The following ANKS1B variants were observed in gnomAD, a reference collection of about 807,000 sequenced individuals.
ANKS1B encodes ankyrin repeat and sterile alpha motif domain containing 1B, also known as ankyrin repeat and sterile alpha motif domain-containing protein 1B.
ANKS1B carries 36 observed loss-of-function variants against 148.3 expected under a neutral mutation model. The ratio of observed to expected loss-of-function variants is 0.24; its 90% CI spans 0.19 to 0.32. The LOEUF is 0.32. Among genes scored for constraint, ANKS1B ranks in the 10% least tolerant of loss-of-function variants. The pLI, the probability that ANKS1B is intolerant of heterozygous loss-of-function variation, is 1.00. For synonymous variants in ANKS1B, 542 were observed against 560.8 expected, an observed-to-expected ratio of 0.97 and a Z score of 0.47; for missense variants, 1,157 against 1,542.6, an observed-to-expected ratio of 0.75 and a Z score of 4.19.
At chr12:99,541,804 G>A (rs973209833) in intron 9 of ANKS1B, among the ~76,000 whole-genome samples, 10 of 151,480 alleles carry the variant, frequency 6.6e-5, no homozygotes, top group African/African-American at 1.9e-4. Context: ...GCAGTGAGCC[G>A]AGATCATGCC....
At chr12:99,147,400 G>A (rs2073492719) in intron 15 of ANKS1B, among the ~76,000 whole-genome samples, 1 of 152,066 alleles carries the variant, frequency 6.6e-6, no homozygotes, top group Non-Finnish European at 1.5e-5. Context: ...TGAAAGATAA[G>A]GCAGGAAAAT....
intron 17 of ANKS1B, among the ~76,000 whole-genome samples, chr12:99,010,901 G>GT (rs1309326368): frequency 0.028 from 1,449 of 51,292 alleles, 12 homozygotes; most frequent in Middle Eastern, 0.07. Flanking sequence ...GTGAGCTTTT[G>GT]TTTTTTTTTT....
chr12:98,967,398 T>G lies in ANKS1B; in HGVS notation c.2778+85759A>C, dbSNP rs964688375. 3.9e-5 allele frequency among the ~76,000 whole-genome samples: 6 copies of G among 152,054 alleles called. No individual in the cohort carries two copies. In the East Asian group the frequency reaches 1.2e-3, roughly 29 times the overall value. On this transcript the variant is annotated intron_variant, in intron 17 of 26. Coordinates refer to ENST00000683438, the MANE Select transcript of ANKS1B (RefSeq NM_001352186.2). ...AGACCTCCACTATCTTCTGTTATGA[T>G]CTAAGGCCCTCGATGAGGTACCCAT...
intron 17 of ANKS1B, among the ~76,000 whole-genome samples, chr12:99,020,942 C>A (rs945029700): frequency 6.6e-6 from 1 of 152,002 alleles, no homozygotes; most frequent in African/African-American, 2.4e-5. Context: ...TACACAAACA[C>A]AAAATTTAAC....
intron 17 of ANKS1B, among the ~76,000 whole-genome samples, chr12:98,963,969 C>T (rs2099875633): frequency 6.6e-6 from 1 of 152,062 alleles, no homozygotes; most frequent in South Asian, 2.1e-4. Context: ...TATGGTGGCC[C>T]ATGCCTGTAA....
At chr12:99,498,457 CATCT>C in intron 10 of ANKS1B, among the ~76,000 whole-genome samples, 1 of 152,276 alleles carries the variant, frequency 6.6e-6, no homozygotes, top group East Asian at 1.9e-4. Context: ...ATACCTTATT[CATCT>C]ATCTAACTCC....
intron 9 of ANKS1B, among the ~76,000 whole-genome samples, chr12:98,736,670 C>G (rs1193656915): frequency 1.3e-5 from 2 of 151,542 alleles, no homozygotes; most frequent in African/African-American, 4.9e-5. Context: ...AGACAGGGGG[C>G]CCCAAGACTG....
intron 11 of ANKS1B, among the ~76,000 whole-genome samples, chr12:99,427,543 G>C (rs1268883553): frequency 1.3e-5 from 2 of 152,244 alleles, no homozygotes; most frequent in Non-Finnish European, 2.9e-5. Flanking sequence ...TCCAAATACT[G>C]TTTGACTCTG....
At chr12:99,758,022 C>A (rs1053646501) in intron 8 of ANKS1B, among the ~76,000 whole-genome samples, 41 of 151,868 alleles carry the variant, frequency 2.7e-4, no homozygotes, top group African/African-American at 9.7e-4. Flanking sequence ...ATAATCTATA[C>A]AACAAACCCC....
chr12:99,546,077 T>A (rs1413771592), intron 9 of ANKS1B, among the ~76,000 whole-genome samples: 1 of 152,064 alleles, frequency 6.6e-6, no homozygotes, highest in Non-Finnish European at 1.5e-5. Flanking sequence ...CAAGTCAAGT[T>A]GAATGGAAGG....
chr12:98,781,372 T>C (rs2098734478), intron 23 of ANKS1B, 169 bp from the exon 24 acceptor site: 1 of 676,056 alleles, frequency 1.5e-6, no homozygotes, highest in Non-Finnish European at 2.7e-6. Context: ...ACTCTAATTT[T>C]AATGTCTGCC....
rs1420961934 is a variant in ANKS1B, at chr12:99,319,810, AT to A, written c.1757-72947del. ...ATCGATGGTCTTTACAATTTGGCACATTTTTGCAGTGGCTGGTACCGGTTGT... is the reference window on the plus strand; with the variant it reads ...ATCGATGGTCTTTACAATTTGGCACATTTTGCAGTGGCTGGTACCGGTTGT... On this transcript the variant is annotated intron_variant, in intron 12 of 26. Transcript: ENST00000683438. 9.2e-5 allele frequency among the ~76,000 whole-genome samples: 14 copies of A among 152,218 alleles called. No individual in the cohort carries two copies. The East Asian group carries it at 1.7e-3, about 19-fold the overall frequency.
At chr12:99,296,521 C>G (rs899779477) in intron 12 of ANKS1B, among the ~76,000 whole-genome samples, 6 of 152,150 alleles carry the variant, frequency 3.9e-5, no homozygotes, top group Admixed American at 2.0e-4. Context: ...TATTTCAGCT[C>G]AAAAGTAACA....
At position 99,812,556 on chromosome 12, in the gene ANKS1B, C is replaced by G. The variant is rs61940294; in HGVS notation, c.216-245G>C. Among the ~76,000 whole-genome samples the G allele has an allele frequency of 5.4e-4, 34 of 63,086 alleles. No homozygotes were observed. Among genetic ancestry groups the G allele is most frequent in the Non-Finnish European group, 7.0e-4 (19 of 27,276 alleles). The allele number at this position is 63,086 out of a possible 152,430, so 41.4% of individuals were successfully genotyped here. On this transcript the variant is annotated intron_variant, in intron 2 of 26. Transcript: ENST00000683438. ...ACACACACACACACACACACACACA[C>G]ACAGAGAGAGAGAGAGAGAGAAAGA...
At chr12:99,414,356 A>T (rs1047834099) in intron 11 of ANKS1B, among the ~76,000 whole-genome samples, 2 of 152,138 alleles carry the variant, frequency 1.3e-5, no homozygotes, top group Non-Finnish European at 2.9e-5. Context: ...AGACATCACT[A>T]GTAAGAGTAT....
intron 12 of ANKS1B, among the ~76,000 whole-genome samples, chr12:99,280,945 A>ACT (rs759244532): frequency 5.1e-3 from 753 of 146,726 alleles, no homozygotes; most frequent in Middle Eastern, 0.011. Context: ...ACACACACAC[A>ACT]CTCTCTCTCT....
intron 9 of ANKS1B, among the ~76,000 whole-genome samples, chr12:99,589,068 G>T (rs2097673275): frequency 6.6e-6 from 1 of 152,176 alleles, no homozygotes; most frequent in African/African-American, 2.4e-5. Context: ...TTATGGTACT[G>T]CCCAGGCAGT....
intron 16 of ANKS1B, among the ~76,000 whole-genome samples, chr12:99,075,093 A>G (rs2047416718): frequency 6.6e-6 from 1 of 152,160 alleles, no homozygotes; most frequent in African/African-American, 2.4e-5. Context: ...ACAGAAGGAG[A>G]TGATGTTTCT....
At chr12:99,228,333 G>T (rs1358064449) in intron 14 of ANKS1B, among the ~76,000 whole-genome samples, 1 of 152,046 alleles carries the variant, frequency 6.6e-6, no homozygotes, top group African/African-American at 2.4e-5. Flanking sequence ...ATGATTTATT[G>T]TTAAATGAGA....
Sources: gnomAD v4.1 joint callset for allele counts (sites outside exome capture counted in the v4.1 genomes callset) on GRCh38, gnomAD v4.1.1 for gene constraint, MANE v1.5 for transcripts, NCBI Gene and HGNC (gene_info 2026-07-23, HGNC 2026-07-21) for gene names.